Variants in FAM107B observed in about 807,000 individuals in gnomAD.
FAM107B encodes the protein family with sequence similarity 107 member B.
A neutral mutation model predicts 31.5 loss-of-function variants in FAM107B; 21 were observed. The ratio of observed to expected loss-of-function variants is 0.67; its 90% CI spans 0.47 to 0.96. The LOEUF (loss-of-function observed/expected upper bound fraction) is 0.96, where lower values mean the gene tolerates loss of function less well. Ranked by LOEUF, FAM107B falls within the 40% of genes least tolerant of loss-of-function variation. The pLI is 0.00. For synonymous variants in FAM107B, 157 were observed against 141.5 expected (o/e 1.11, Z -0.78); for missense variants, 452 against 377.1 (o/e 1.20, Z -1.64).
chr10:14,745,124 T>C (rs963141625), intron 1 of FAM107B, among the ~76,000 whole-genome samples: 1 of 152,214 alleles, frequency 6.6e-6, no homozygotes, highest in African/African-American at 2.4e-5. Context: ...TGATGGTTGT[T>C]TGCATTTCTG....
chr10:14,561,107 TAG>T (rs1027249902), intron 2 of FAM107B, among the ~76,000 whole-genome samples: 21 of 152,226 alleles, frequency 1.4e-4, no homozygotes, highest in Non-Finnish European at 2.9e-5. Flanking sequence ...CCATCTTGTG[TAG>T]AGTCACCCAC....
chr10:14,583,677 G>A (rs1478536673), intron 2 of FAM107B, among the ~76,000 whole-genome samples: 2 of 152,082 alleles, frequency 1.3e-5, no homozygotes, highest in African/African-American at 4.8e-5. Flanking sequence ...AACTAATCTG[G>A]GCACGTCCTT....
chr10:14,762,474 G>A (rs1176510862), intron 1 of FAM107B, among the ~76,000 whole-genome samples: 2 of 152,130 alleles, frequency 1.3e-5, no homozygotes, highest in Non-Finnish European at 1.5e-5. Flanking sequence ...TTCAAGAGAC[G>A]TGACTGACCG....
intron 1 of FAM107B, among the ~76,000 whole-genome samples, chr10:14,734,820 C>T (rs1856260806): frequency 6.6e-6 from 1 of 152,154 alleles, no homozygotes; most frequent in African/African-American, 2.4e-5. Context: ...TCTTGGCTCA[C>T]TGAGCTTTGT....
chr10:14,632,254 C>T (rs946460467), intron 2 of FAM107B, among the ~76,000 whole-genome samples: 3 of 140,578 alleles, frequency 2.1e-5, no homozygotes, highest in South Asian at 2.3e-4. Flanking sequence ...GTGGAGATCG[C>T]GTCACTGCAC....
At chr10:14,723,259 G>T (rs934952437) in intron 1 of FAM107B, 13 of 534,500 alleles carry the variant, frequency 2.4e-5, no homozygotes, top group African/African-American at 2.3e-4. Flanking sequence ...GAGCACTCCA[G>T]TCTTCAGTAG....
chr10:14,635,632 A>G (rs199828919), intron 2 of FAM107B, among the ~76,000 whole-genome samples: 2 of 150,078 alleles, frequency 1.3e-5, no homozygotes, highest in African/African-American at 2.5e-5. Flanking sequence ...GTGTTTTTCT[A>G]TTTTTTTTTC....
chr10:14,758,737 G>A lies in FAM107B; in HGVS notation c.411+15516C>T, dbSNP rs893012116. Among the ~76,000 whole-genome samples the A allele has an allele frequency of 5.5e-4, 83 of 152,108 alleles. 1 individual carries two copies. Among genetic ancestry groups the A allele is most frequent in the Non-Finnish European group, 1.3e-4 (9 of 68,000 alleles). On this transcript the variant is annotated intron_variant, in intron 1 of 4. Transcript: ENST00000181796. ...TCTTAAGTTAAAAGTCTGAGGCCGC[G>A]AGTGCTGGCACACCTGCAACCCCAG...
chr10:14,699,046 AGGCAGAGGT>A (rs150051524), intron 1 of FAM107B, among the ~76,000 whole-genome samples: 13,434 of 152,074 alleles, frequency 0.088, 720 homozygotes, highest in East Asian at 0.19. Context: ...CCCTGCGAGC[AGGCAGAGGT>A]GGGGGGCAGG....
intron 1 of FAM107B, among the ~76,000 whole-genome samples, chr10:14,754,535 G>A (rs934007762): frequency 1.3e-5 from 2 of 152,200 alleles, no homozygotes; most frequent in Admixed American, 6.5e-5. Context: ...GAACGAGGAT[G>A]TGATGATCTA....
rs921288891 is a variant in FAM107B, at chr10:14,519,614, A to G, written c.*1576T>C. The G allele has an allele frequency of 5.3e-5, 8 of 152,236 alleles. No homozygotes were observed. The highest frequency in any genetic ancestry group is 1.2e-4 in the Non-Finnish European group (8 of 68,044). The allele number at this position is 152,236 out of a possible 1,614,324, so 9.4% of individuals were successfully genotyped here. On this transcript the variant is annotated 3_prime_UTR_variant, in exon 5 of 5. Transcript: ENST00000181796. Reference sequence around the variant, plus strand: ...CTAACATGTTTCTCTAACTAGCAGTATATTATCATTGCATTTACTTTTGTT... The same window carrying G: ...CTAACATGTTTCTCTAACTAGCAGTGTATTATCATTGCATTTACTTTTGTT...
chr10:14,683,109 A>G (rs1326460997), intron 1 of FAM107B, among the ~76,000 whole-genome samples: 2 of 152,194 alleles, frequency 1.3e-5, no homozygotes, highest in Non-Finnish European at 2.9e-5. Flanking sequence ...TAAGTGGAGC[A>G]GGAATCCACG....
chr10:14,679,992 T>C (rs1401885610), intron 1 of FAM107B, among the ~76,000 whole-genome samples: 1 of 152,152 alleles, frequency 6.6e-6, no homozygotes, highest in Non-Finnish European at 1.5e-5. Flanking sequence ...AAATGGCCTA[T>C]TGTGGGACCT....
At chr10:14,561,771 C>A (rs1449155855) in intron 2 of FAM107B, among the ~76,000 whole-genome samples, 1 of 152,108 alleles carries the variant, frequency 6.6e-6, no homozygotes, top group African/African-American at 2.4e-5. Context: ...ATTAGGTATA[C>A]TCAGAGTATA....
intron 2 of FAM107B, among the ~76,000 whole-genome samples, chr10:14,647,272 G>A (rs1305546595): frequency 1.3e-5 from 2 of 152,168 alleles, no homozygotes; most frequent in Non-Finnish European, 2.9e-5. Flanking sequence ...GAGCTGTGAG[G>A]CTCAATTTAG....
chr10:14,596,315 T>C (rs1852187558), intron 2 of FAM107B, among the ~76,000 whole-genome samples: 1 of 152,140 alleles, frequency 6.6e-6, no homozygotes, highest in Admixed American at 6.5e-5. Context: ...AATCACCTCA[T>C]CCATGTATCT....
Position 14,774,550 on chromosome 10 carries a change from A to G in FAM107B, c.114T>C (p.Ala38=). Residue 38 remains alanine, a synonymous_variant, in exon 1 of 5, where the codon GCT becomes GCC. Transcript: ENST00000181796. ...LACFGNTRES[A]SFNQSGVADT... ...CAGCCACGCCGGACTGATTGAAGGAAGCACTCTCCCTCGTATTCCCAAAAC... is the reference window on the plus strand; with the variant it reads ...CAGCCACGCCGGACTGATTGAAGGAGGCACTCTCCCTCGTATTCCCAAAAC... 1 of 1,614,210 alleles carries G rather than the reference A, an allele frequency of 6.2e-7. No homozygotes were observed. Among genetic ancestry groups the G allele is most frequent in the Non-Finnish European group, 8.5e-7 (1 of 1,180,026 alleles).
intron 2 of FAM107B, among the ~76,000 whole-genome samples, chr10:14,552,947 T>C (rs570587750): frequency 6.6e-6 from 1 of 152,336 alleles, no homozygotes; most frequent in Non-Finnish European, 1.5e-5. Flanking sequence ...TACTTAAACT[T>C]GCCACAGTAA....
intron 1 of FAM107B, among the ~76,000 whole-genome samples, chr10:14,690,945 T>C (rs1427540211): frequency 5.9e-5 from 9 of 152,168 alleles, no homozygotes; most frequent in African/African-American, 2.2e-4. Flanking sequence ...GATTGATTGA[T>C]TGATTGATAG....
Sources: gnomAD v4.1 joint callset for allele counts (sites outside exome capture counted in the v4.1 genomes callset) on GRCh38, gnomAD v4.1.1 for gene constraint, MANE v1.5 for transcripts, NCBI Gene and HGNC (gene_info 2026-07-23, HGNC 2026-07-21) for gene names.